Variants in IL1RAP observed in about 807,000 individuals in gnomAD.
The protein encoded by IL1RAP is interleukin-1 receptor accessory protein.
IL1RAP carries 35 observed loss-of-function variants against 60.7 expected under a neutral mutation model. The observed-to-expected ratio is 0.58, with a 90% CI of 0.44 to 0.76. The LOEUF (loss-of-function observed/expected upper bound fraction) is 0.76, where lower values mean the gene tolerates loss of function less well. Ranked by LOEUF, IL1RAP falls within the 30% of genes least tolerant of loss-of-function variation. The probability of loss-of-function intolerance (pLI) is 0.00; values close to 1 mark genes in which losing one functional copy is unlikely to be tolerated. For synonymous variants in IL1RAP, 268 were observed against 250.9 expected (o/e 1.07, Z -0.64); for missense variants, 572 against 693.9 (o/e 0.82, Z 1.97).
chr3:190,573,864 T>C (rs908316642), intron 3 of IL1RAP, among the ~76,000 whole-genome samples: 2 of 152,198 alleles, frequency 1.3e-5, no homozygotes, highest in African/African-American at 4.8e-5. Context: ...GAAACTCACA[T>C]TCTTTGAATC....
intron 2 of IL1RAP, among the ~76,000 whole-genome samples, chr3:190,560,749 A>T (rs1308174504): frequency 2.0e-5 from 3 of 152,214 alleles, no homozygotes; most frequent in African/African-American, 7.2e-5. Context: ...AGGAGATGCT[A>T]ATGATTACCA....
chr3:190,563,528 C>G (rs1400225067), intron 2 of IL1RAP: 1 of 152,078 alleles, frequency 6.6e-6, no homozygotes, highest in Non-Finnish European at 1.5e-5. Flanking sequence ...ATCATGCAAC[C>G]AAATGTAAGG....
intron 7 of IL1RAP, 71 bp from the exon 8 acceptor site, chr3:190,627,252 G>C: frequency 8.2e-7 from 1 of 1,216,908 alleles, no homozygotes; most frequent in Non-Finnish European, 1.1e-6. Flanking sequence ...CTTTGTCTTT[G>C]TTTTTTGTTT....
chr3:190,575,542 T>C (rs1727365064), intron 3 of IL1RAP, among the ~76,000 whole-genome samples: 1 of 152,152 alleles, frequency 6.6e-6, no homozygotes, highest in South Asian at 2.1e-4. Context: ...AATTGAGGGA[T>C]GAGAAAGAGC....
At chr3:190,563,477 C>T (rs1726091356) in intron 2 of IL1RAP, 1 of 152,130 alleles carries the variant, frequency 6.6e-6, no homozygotes, top group South Asian at 2.1e-4. Flanking sequence ...AAAAGAAATA[C>T]TTCACAGAGC....
chr3:190,575,292 G>A (rs536496569), intron 3 of IL1RAP, among the ~76,000 whole-genome samples: 2 of 152,172 alleles, frequency 1.3e-5, no homozygotes, highest in East Asian at 3.9e-4. Flanking sequence ...TGTATGTGCT[G>A]GACACTGTGC....
exon 12 of IL1RAP, chr3:190,658,254 ATAGT>A (rs1457749067): frequency 6.6e-6 from 1 of 152,214 alleles, no homozygotes; most frequent in Non-Finnish European, 1.5e-5. Flanking sequence ...TCTGTGGGAC[ATAGT>A]TAGCCTGAGG....
chr3:190,567,708 A>G (rs1186018856), intron 3 of IL1RAP, among the ~76,000 whole-genome samples: 3 of 152,200 alleles, frequency 2.0e-5, no homozygotes, highest in East Asian at 1.9e-4. Flanking sequence ...ATAGGTTTCT[A>G]TGCTTTGTAG....
At chr3:190,645,959 T>C (rs945707031) in intron 11 of IL1RAP, 117 bp downstream of exon 11, 1 of 830,152 alleles carries the variant, frequency 1.2e-6, no homozygotes, top group Non-Finnish European at 1.9e-6. Context: ...TGTCCGATGC[T>C]CTTTGATGTA....
rs77764968 is a variant in IL1RAP at position 190,617,170 on chromosome 3, A to C, written c.538-3105A>C. On this transcript the variant is annotated intron_variant, in intron 5 of 11. Coordinates refer to ENST00000447382, the MANE Select transcript of IL1RAP (RefSeq NM_002182.4). ...TTTGTTTTTATTTCATACTCCCTTGACCCTAAATGCCTTTTATTGTGTTTG... is the reference window on the plus strand; with the variant it reads ...TTTGTTTTTATTTCATACTCCCTTGCCCCTAAATGCCTTTTATTGTGTTTG... Among the ~76,000 whole-genome samples, 1,414 of 152,208 alleles carry C rather than the reference A, an allele frequency of 9.3e-3. 20 individuals are homozygous for C. Among genetic ancestry groups the C allele is most frequent in the African/African-American group, 0.03 (1,264 of 41,528 alleles).
At chr3:190,553,635 C>T (rs1333754272) in intron 1 of IL1RAP, among the ~76,000 whole-genome samples, 1 of 152,056 alleles carries the variant, frequency 6.6e-6, no homozygotes, top group African/African-American at 2.4e-5. Context: ...CCCGTCCATC[C>T]GGAAAAAAGA....
chr3:190,592,496 A>C (rs913292506), intron 3 of IL1RAP, among the ~76,000 whole-genome samples: 1 of 152,220 alleles, frequency 6.6e-6, no homozygotes, highest in Non-Finnish European at 1.5e-5. Context: ...TGAGATATGG[A>C]AACAGCCTGG....
At chr3:190,540,890 A>G (rs7638597) in intron 1 of IL1RAP, among the ~76,000 whole-genome samples, 11,315 of 152,152 alleles carry the variant, frequency 0.074, 1,186 homozygotes, top group African/African-American at 0.23. Context: ...AGCCCATTAC[A>G]TACGTGTTTT....
At chr3:190,561,461 G>A (rs926409414) in intron 2 of IL1RAP, among the ~76,000 whole-genome samples, 2 of 152,126 alleles carry the variant, frequency 1.3e-5, no homozygotes, top group African/African-American at 4.8e-5. Flanking sequence ...CTTTGCCTTG[G>A]TGACCTGACT....
intron 5 of IL1RAP, chr3:190,615,424 T>C: frequency 1.9e-6 from 1 of 532,468 alleles, no homozygotes; most frequent in Non-Finnish European, 3.3e-6. Context: ...CAGGCCATCC[T>C]AACTTTCATA....
chr3:190,595,140 TC>T (rs1355989669), intron 3 of IL1RAP, among the ~76,000 whole-genome samples: 1 of 152,170 alleles, frequency 6.6e-6, no homozygotes, highest in African/African-American at 2.4e-5. Context: ...TTATTGTCAG[TC>T]TCCTTGTGTT....
At chr3:190,570,912 A>G (rs905696154) in intron 3 of IL1RAP, among the ~76,000 whole-genome samples, 12 of 152,180 alleles carry the variant, frequency 7.9e-5, no homozygotes, top group Non-Finnish European at 1.8e-4. Context: ...TATGTGCACC[A>G]AGATACTGGT....
At chr3:190,651,697 A>G (rs767233326), downstream of IL1RAP, among the ~76,000 whole-genome samples, 4 of 152,152 alleles carry the variant, frequency 2.6e-5, no homozygotes, top group Non-Finnish European at 5.9e-5. Flanking sequence ...TTTTCTTTAC[A>G]TGGAAGTAAA....
intron 3 of IL1RAP, among the ~76,000 whole-genome samples, chr3:190,572,276 A>G (rs563091816): frequency 3.6e-4 from 55 of 152,166 alleles, no homozygotes; most frequent in African/African-American, 8.9e-4. Context: ...GAATTTTTAA[A>G]TTTATCTGGT....
Sources: allele counts gnomAD v4.1 joint callset (sites outside exome capture counted in the v4.1 genomes callset), GRCh38; gene constraint gnomAD v4.1.1; transcripts MANE v1.5; gene names NCBI Gene and HGNC (gene_info 2026-07-23, HGNC 2026-07-21).